NLN: variants seen among roughly 807,000 people sequenced by gnomAD.
NLN encodes neurolysin.
In NLN, 64 loss-of-function variants were observed where a neutral mutation model predicts 79.9. The ratio of observed to expected loss-of-function variants is 0.80; its 90% CI spans 0.65 to 0.99. The LOEUF is 0.99. NLN is among the 50% of genes least tolerant of loss of function. NLN has a pLI of 0.00. For missense variants in NLN, 835 were observed against 858.7 expected, an observed-to-expected ratio of 0.97 and a Z score of 0.34; for synonymous variants, 267 against 296.6, an observed-to-expected ratio of 0.90 and a Z score of 1.02.
chr5:65,818,602 T>C (rs1425563609), intron 12 of NLN: 1 of 152,270 alleles, frequency 6.6e-6, no homozygotes, highest in Non-Finnish European at 1.5e-5. Flanking sequence ...AGCAATTCTA[T>C]TTTTAATTTT....
chr5:65,819,175 G>A (rs2250861), intron 12 of NLN, among the ~76,000 whole-genome samples: 93,969 of 151,926 alleles, frequency 0.62, 29,798 homozygotes, highest in African/African-American at 0.73. Context: ...TTTTGAGGAA[G>A]TGCTACACCA....
chr5:65,791,440 C>T (rs932743942), intron 8 of NLN, among the ~76,000 whole-genome samples: 8 of 152,146 alleles, frequency 5.3e-5, no homozygotes, highest in Admixed American at 5.2e-4. Context: ...CACTTGTAGT[C>T]CCAGCTACTC....
At position 65,824,660 on chromosome 5, in the gene NLN, A is replaced by G. The variant is rs1428225408; in HGVS notation, c.*1745A>G. The G allele has an allele frequency of 6.6e-6, 1 of 152,236 alleles. No individual in the cohort carries two copies. The highest frequency in any genetic ancestry group is 2.4e-5 in the African/African-American group (1 of 41,466). The allele number at this position is 152,236 out of a possible 1,614,324, so 9.4% of individuals were successfully genotyped here. A position where few individuals can be genotyped will look rare whatever the true frequency, so the allele number is the denominator to read the frequency against. On this transcript the variant is annotated 3_prime_UTR_variant, in exon 13 of 13. Transcript: ENST00000380985. ...AAATTGGTGTGGAAAGGCTGCACACAATAAAGTTATATTATTATCCATGAA... is the reference window on the plus strand; with the variant it reads ...AAATTGGTGTGGAAAGGCTGCACACGATAAAGTTATATTATTATCCATGAA...
intron 1 of NLN, among the ~76,000 whole-genome samples, chr5:65,757,017 T>C (rs1759234109): frequency 6.6e-6 from 1 of 152,216 alleles, no homozygotes; most frequent in Non-Finnish European, 1.5e-5. Context: ...GGAGTTCTCT[T>C]TGCTTACACT....
rs527778880 is a variant in NLN at position 65,754,620 on chromosome 5, C to T, written c.42-3947C>T. Among the ~76,000 whole-genome samples, 3 of 152,264 alleles carry T rather than the reference C, an allele frequency of 2.0e-5. No homozygotes were observed. The East Asian group carries it at 5.8e-4, about 29-fold the overall frequency. ...TATTCCCTGAATCTTCCCTTCTCTT[C>T]CTGACCTTTTCTAAAATCCACTGAA... On this transcript the variant is annotated intron_variant, in intron 1 of 12. Transcript: ENST00000380985.
chr5:65,741,237 C>T (rs994722804), intron 1 of NLN, among the ~76,000 whole-genome samples: 2 of 152,016 alleles, frequency 1.3e-5, no homozygotes, highest in Admixed American at 1.3e-4. Flanking sequence ...CTCAAAATTG[C>T]TTTGGTTATT....
chr5:65,736,527 C>T lies in NLN; in HGVS notation c.41+14113C>T, dbSNP rs79401448. Among the ~76,000 whole-genome samples, 352 of 152,308 alleles carry T rather than the reference C, an allele frequency of 2.3e-3. 2 individuals are homozygous for T. Among genetic ancestry groups the T allele is most frequent in the African/African-American group, 8.0e-3 (332 of 41,554 alleles). On this transcript the variant is annotated intron_variant, in intron 1 of 12. Transcript: ENST00000380985. ...TGGTTATACTAATTTACTTCCTTCT[C>T]TCCATATAGTATTCATGAGTAGCCA...
intron 6 of NLN, among the ~76,000 whole-genome samples, chr5:65,783,829 T>C (rs1160570414): frequency 6.6e-6 from 1 of 152,162 alleles, no homozygotes; most frequent in African/African-American, 2.4e-5. Context: ...AAAAATCTAA[T>C]TAAACTATTT....
chr5:65,789,996 A>G (rs1436136556), intron 8 of NLN, among the ~76,000 whole-genome samples: 2 of 152,184 alleles, frequency 1.3e-5, no homozygotes, highest in Non-Finnish European at 2.9e-5. Context: ...ATTAAAGACT[A>G]TATGTGCAAA....
At chr5:65,814,930 T>G (rs111656926) in intron 12 of NLN, among the ~76,000 whole-genome samples, 1,809 of 152,312 alleles carry the variant, frequency 0.012, 38 homozygotes, top group African/African-American at 0.041. Context: ...TAAAAAAAAG[T>G]ACATCAAAAT....
intron 9 of NLN, among the ~76,000 whole-genome samples, chr5:65,800,234 T>G (rs142875247): frequency 2.3e-3 from 346 of 152,348 alleles, no homozygotes; most frequent in African/African-American, 7.6e-3. Flanking sequence ...CAGAAGCTCA[T>G]AGGACTTCCG....
At chr5:65,739,047 T>C (rs1276584926) in intron 1 of NLN, among the ~76,000 whole-genome samples, 1 of 139,736 alleles carries the variant, frequency 7.2e-6, no homozygotes, top group Non-Finnish European at 1.5e-5. Context: ...ATATAAAAAA[T>C]ATATATAAAT....
chr5:65,804,569 G>A (rs932790793), intron 9 of NLN, among the ~76,000 whole-genome samples: 13 of 152,154 alleles, frequency 8.5e-5, no homozygotes, highest in African/African-American at 3.1e-4. Context: ...ACACCCTGTT[G>A]CTCAGGTTGG....
At chr5:65,807,486 G>GCT (rs767762868) in intron 9 of NLN, among the ~76,000 whole-genome samples, 3 of 151,706 alleles carry the variant, frequency 2.0e-5, no homozygotes, top group African/African-American at 2.4e-5. Context: ...TGTTGCCCAG[G>GCT]CTGGAATGCA....
At chr5:65,800,663 CTTATTTAT>C (rs1554033902) in intron 9 of NLN, among the ~76,000 whole-genome samples, 78 of 142,972 alleles carry the variant, frequency 5.5e-4, no homozygotes, top group East Asian at 2.3e-3. Flanking sequence ...AGAAAACTCT[CTTATTTAT>C]TTATTTATTT....
At chr5:65,808,492 G>A (rs1167752351) in intron 9 of NLN, among the ~76,000 whole-genome samples, 1 of 152,144 alleles carries the variant, frequency 6.6e-6, no homozygotes, top group Non-Finnish European at 1.5e-5. Flanking sequence ...TGACCCAGTA[G>A]GATAAATGCT....
At chr5:65,761,317 A>T (rs1243084211) in intron 2 of NLN, among the ~76,000 whole-genome samples, 1 of 151,618 alleles carries the variant, frequency 6.6e-6, no homozygotes, top group Admixed American at 6.6e-5. Context: ...TTTGAGATGG[A>T]GTTTCACTCT....
At chr5:65,738,384 G>A (rs1026836210) in intron 1 of NLN, among the ~76,000 whole-genome samples, 1 of 151,978 alleles carries the variant, frequency 6.6e-6, no homozygotes, top group African/African-American at 2.4e-5. Context: ...AGGAGTTCAA[G>A]ACTAGCCTGA....
chr5:65,759,859 T>C (rs1258119873), intron 2 of NLN, among the ~76,000 whole-genome samples: 2 of 152,214 alleles, frequency 1.3e-5, no homozygotes, highest in Non-Finnish European at 2.9e-5. Context: ...CCTCTTTATG[T>C]ATTTCTCTAT....
Sources: gnomAD v4.1 joint callset for allele counts (sites outside exome capture counted in the v4.1 genomes callset) on GRCh38, gnomAD v4.1.1 for gene constraint, MANE v1.5 for transcripts, NCBI Gene and HGNC (gene_info 2026-07-23, HGNC 2026-07-21) for gene names.